The following TOM1L2 variants were observed in gnomAD, a reference collection of about 807,000 sequenced individuals.
TOM1L2 encodes TOM1-like protein 2.
Under a neutral mutation model 67.9 loss-of-function variants are expected in TOM1L2, and 31 were observed. That is an observed-to-expected ratio of 0.46 (90% CI 0.34 to 0.62). The LOEUF (loss-of-function observed/expected upper bound fraction) is 0.62. Among genes scored for constraint, TOM1L2 ranks in the 20% least tolerant of loss-of-function variants. The probability of loss-of-function intolerance (pLI) is 0.01; values close to 1 mark genes in which losing one functional copy is unlikely to be tolerated. For missense variants in TOM1L2, 606 were observed against 663.5 expected (o/e 0.91, Z 0.95); for synonymous variants, 256 against 254.0 (o/e 1.01, Z -0.07).
intron 1 of TOM1L2, among the ~76,000 whole-genome samples, chr17:17,909,060 C>T (rs1249631403): frequency 1.3e-5 from 2 of 151,980 alleles, no homozygotes; most frequent in Admixed American, 6.6e-5. Context: ...GGGCACCTGT[C>T]GTTCCAGCTA....
intron 2 of TOM1L2, among the ~76,000 whole-genome samples, chr17:17,901,615 T>C (rs1196861764): frequency 6.6e-6 from 1 of 152,236 alleles, no homozygotes; most frequent in Non-Finnish European, 1.5e-5. Flanking sequence ...AAGGAGGACA[T>C]GGCTGCCCCT....
chr17:17,956,185 T>G (rs1000380325), intron 1 of TOM1L2, among the ~76,000 whole-genome samples: 4 of 152,186 alleles, frequency 2.6e-5, no homozygotes, highest in Non-Finnish European at 5.9e-5. Flanking sequence ...TACAGAGAAC[T>G]GATTGGTCTG....
chr17:17,860,558 G>C (rs2036500259), intron 12 of TOM1L2, among the ~76,000 whole-genome samples: 1 of 152,132 alleles, frequency 6.6e-6, no homozygotes, highest in South Asian at 2.1e-4. Flanking sequence ...TAAAAATTGG[G>C]ACCCAGTAAG....
At chr17:17,946,199 G>A (rs375123712) in intron 1 of TOM1L2, among the ~76,000 whole-genome samples, 2 of 152,068 alleles carry the variant, frequency 1.3e-5, no homozygotes, top group African/African-American at 4.8e-5. Context: ...TTGTATAAGA[G>A]CTTTATTGAG....
chr17:17,869,609 C>T (rs867966994), intron 7 of TOM1L2, 136 bp from the exon 8 acceptor site: 9 of 1,406,364 alleles, frequency 6.4e-6, no homozygotes, highest in African/African-American at 1.4e-5. Context: ...AGACATGTGC[C>T]GAATTCAAAG....
rs570550626 is a variant in TOM1L2 at position 17,892,958 on chromosome 17, T to C, written c.366+703A>G. On this transcript the variant is annotated intron_variant, in intron 4 of 14. Coordinates refer to ENST00000379504, the MANE Select transcript of TOM1L2 (RefSeq NM_001082968.2). ...GGAGCCTCCAGCTATAGTCGAGCCT[T>C]CAGACAATGCAACCTCAAGAGAGAC... Among the ~76,000 whole-genome samples, 3 of 152,282 alleles carry C rather than the reference T, an allele frequency of 2.0e-5. No individual in the cohort carries two copies. In the South Asian group the frequency reaches 6.2e-4, roughly 32 times the overall value.
chr17:17,851,038 C>T, intron 12 of TOM1L2, 86 bp from the exon 13 acceptor site: 1 of 1,493,028 alleles, frequency 6.7e-7, no homozygotes, highest in South Asian at 1.1e-5. Context: ...AAATCATCAA[C>T]AGCAACCCCA....
intron 1 of TOM1L2, among the ~76,000 whole-genome samples, chr17:17,935,134 C>T (rs532986035): frequency 5.9e-5 from 9 of 152,354 alleles, no homozygotes; most frequent in African/African-American, 2.2e-4. Flanking sequence ...CCCTTGCCCA[C>T]AATTTCCTCA....
At chr17:17,923,451 G>A (rs932645288) in intron 1 of TOM1L2, among the ~76,000 whole-genome samples, 3 of 151,982 alleles carry the variant, frequency 2.0e-5, no homozygotes, top group Admixed American at 2.0e-4. Flanking sequence ...AAACACCCAT[G>A]GTAAAACTTC....
chr17:17,933,580 G>A (rs1483728418), intron 1 of TOM1L2, among the ~76,000 whole-genome samples: 8 of 152,162 alleles, frequency 5.3e-5, no homozygotes, highest in Admixed American at 5.2e-4. Context: ...CTCCCCAGGA[G>A]GTTCTGATGC....
chr17:17,863,675 A>C (rs1183613956), intron 10 of TOM1L2, among the ~76,000 whole-genome samples: 1 of 151,770 alleles, frequency 6.6e-6, no homozygotes, highest in Non-Finnish European at 1.5e-5. Flanking sequence ...TGGCCTCCCA[A>C]GTAGCTAGGA....
intron 1 of TOM1L2, among the ~76,000 whole-genome samples, chr17:17,941,021 C>G (rs1295435321): frequency 6.6e-6 from 1 of 152,154 alleles, no homozygotes; most frequent in African/African-American, 2.4e-5. Context: ...CTAGTGTTTT[C>G]TTAGGGGAAA....
At chr17:17,956,011 T>C (rs568440225) in intron 1 of TOM1L2, among the ~76,000 whole-genome samples, 1 of 152,342 alleles carries the variant, frequency 6.6e-6, no homozygotes, top group Admixed American at 6.5e-5. Flanking sequence ...CTGCAGACCT[T>C]TGCAGCCAGT....
At chr17:17,880,414 T>A (rs985621169) in intron 6 of TOM1L2, among the ~76,000 whole-genome samples, 4 of 152,072 alleles carry the variant, frequency 2.6e-5, no homozygotes, top group Non-Finnish European at 5.9e-5. Context: ...GGCCCAAGGC[T>A]CCTCTCCAGC....
chr17:17,887,194 G>C (rs1476266448), intron 4 of TOM1L2, among the ~76,000 whole-genome samples: 4 of 152,254 alleles, frequency 2.6e-5, no homozygotes, highest in African/African-American at 9.6e-5. Context: ...CGATCAAGTA[G>C]TCTTGGCTAA....
chr17:17,869,316 A>AT, intron 8 of TOM1L2, 24 bp downstream of exon 8: 3 of 1,601,606 alleles, frequency 1.9e-6, no homozygotes, highest in Non-Finnish European at 2.5e-6. Context: ...GGGAAAAAAA[A>AT]AAAAAAAGAA....
intron 1 of TOM1L2, among the ~76,000 whole-genome samples, chr17:17,919,754 T>G (rs1331089970): frequency 1.3e-5 from 2 of 152,130 alleles, no homozygotes; most frequent in African/African-American, 4.8e-5. Flanking sequence ...TGGCTCTCAT[T>G]CTTTTCACCA....
intron 1 of TOM1L2, among the ~76,000 whole-genome samples, chr17:17,914,794 G>A (rs549744208): frequency 1.3e-5 from 2 of 152,334 alleles, no homozygotes; most frequent in Admixed American, 1.3e-4. Context: ...GGGGCTTGGA[G>A]GCACCTGGGT....
At chr17:17,951,964 T>C (rs1444745621) in intron 1 of TOM1L2, among the ~76,000 whole-genome samples, 1 of 152,198 alleles carries the variant, frequency 6.6e-6, no homozygotes, top group Non-Finnish European at 1.5e-5. Flanking sequence ...GCAGTCTCCA[T>C]CAAAATTTCC....
Sources: gnomAD v4.1 joint callset for allele counts (sites outside exome capture counted in the v4.1 genomes callset) on GRCh38, gnomAD v4.1.1 for gene constraint, MANE v1.5 for transcripts, NCBI Gene and HGNC (gene_info 2026-07-23, HGNC 2026-07-21) for gene names.